NLRC5: variants seen among roughly 807,000 people sequenced by gnomAD.
NLRC5 encodes the protein NLR family CARD domain containing 5.
Under a neutral mutation model 206.9 loss-of-function variants are expected in NLRC5, and 114 were observed. The observed-to-expected ratio is 0.55, with a 90% CI of 0.47 to 0.64. The LOEUF (loss-of-function observed/expected upper bound fraction) is 0.64, where lower values mean the gene tolerates loss of function less well. Ranked by LOEUF, NLRC5 falls within the 30% of genes least tolerant of loss-of-function variation. NLRC5 has a pLI of 0.00. For missense variants in NLRC5, 2,008 were observed against 2,305.5 expected, an observed-to-expected ratio of 0.87 and a Z score of 2.64; for synonymous variants, 952 against 962.8, an observed-to-expected ratio of 0.99 and a Z score of 0.21.
intron 20 of NLRC5, 135 bp downstream of exon 20, chr16:57,043,739 A>G: frequency 1.4e-6 from 1 of 731,914 alleles, no homozygotes; most frequent in Non-Finnish European, 2.5e-6. Flanking sequence ...CCAGATCTGC[A>G]GAGCATGTGA....
intron 42 of NLRC5, 57 bp downstream of exon 42, chr16:57,077,859 C>T (rs576159747): frequency 2.5e-5 from 40 of 1,592,224 alleles, no homozygotes; most frequent in Middle Eastern, 3.3e-4. Context: ...CACCTGGCCT[C>T]CTCTCCCGCA....
intron 32 of NLRC5, among the ~76,000 whole-genome samples, chr16:57,063,745 C>CTTTT (rs746703214): frequency 6.4e-4 from 94 of 147,422 alleles, no homozygotes; most frequent in Non-Finnish European, 1.1e-3. Context: ...CCCAAAATAA[C>CTTTT]TTTTTTTTTT....
Position 57,023,786 on chromosome 16 carries a change from CCTGAAGCGCCCACATCAGAG to C in NLRC5, c.361_380del (p.Lys121TrpfsTer79). 1 of 1,611,014 alleles carries C rather than the reference CCTGAAGCGCCCACATCAGAG, an allele frequency of 6.2e-7. No homozygotes were observed. On this transcript the variant is annotated frameshift_variant and splice_region_variant, in exon 5 of 49. Coordinates refer to ENST00000688547, the MANE Select transcript of NLRC5 (RefSeq NM_001384950.1). LOFTEE classifies it high-confidence loss of function. ...CCACCCCTTCCTTTGCTTTTTCAGG[CCTGAAGCGCCCACATCAGAG>C]CTGTGGGTCCTCACCCCGCCGGAAG... is the stretch of plus-strand genomic sequence containing the variant.
chr16:57,059,359 C>T (rs1597394679), intron 29 of NLRC5, 108 bp from the exon 30 acceptor site: 3 of 1,512,472 alleles, frequency 2.0e-6, no homozygotes, highest in Middle Eastern at 2.3e-4. Flanking sequence ...CCTCCCTTGT[C>T]CTTGTGGGTG....
At chr16:57,010,188 G>T (rs1384872440) in intron 1 of NLRC5, among the ~76,000 whole-genome samples, 2 of 152,142 alleles carry the variant, frequency 1.3e-5, no homozygotes, top group Non-Finnish European at 2.9e-5. Context: ...GAGGCATCCA[G>T]GTGGAGTTGG....
rs1396202840 is a variant in NLRC5, at chr16:57,081,140, G to A, written c.5364G>A (p.Leu1788=). The part of the protein sequence containing the change: ...NLLGDEAAAE[L]AQVLPQMGRL... ...TCGGGGATGAGGCAGCTGCCGAGCTGGCCCAGGTGCTGCCGCAGATGGGCC... is the reference window on the plus strand; with the variant it reads ...TCGGGGATGAGGCAGCTGCCGAGCTAGCCCAGGTGCTGCCGCAGATGGGCC... The change falls in exon 47 of 49, where the codon CTG becomes CTA. Residue 1788 remains leucine (L), a synonymous_variant. Transcript: ENST00000688547. The A allele has an allele frequency of 2.6e-6, 4 of 1,546,342 alleles. No individual in the cohort carries two copies. The highest frequency in any genetic ancestry group is 3.5e-6 in the Non-Finnish European group (4 of 1,147,890).
In NLRC5 at chr16:57,033,640, A is replaced by G; in HGVS notation, c.2514A>G (p.Lys838=). 1 of 1,614,138 alleles carries G rather than the reference A, an allele frequency of 6.2e-7. No homozygotes were observed. The change falls in exon 12 of 49, where the codon AAA becomes AAG. Residue 838 remains lysine, a synonymous_variant. Transcript: ENST00000688547. ...PDLQESDGQR[K]GAQSRSLTLR... is the part of the protein sequence containing the mutation. ...TGCAGGAAAGTGACGGCCAGAGGAA[A>G]GGGGCTCAGAGCAGAAGCTTGACGC... is the stretch of plus-strand genomic sequence containing the variant.
At chr16:57,056,346 A>G (rs984770405) in intron 27 of NLRC5, among the ~76,000 whole-genome samples, 2 of 152,114 alleles carry the variant, frequency 1.3e-5, no homozygotes, top group South Asian at 2.1e-4. Flanking sequence ...GCTGGAGTGC[A>G]GTGGTGCAAT....
chr16:57,018,869 T>C (rs1447369590), intron 2 of NLRC5, among the ~76,000 whole-genome samples: 1 of 152,238 alleles, frequency 6.6e-6, no homozygotes, highest in Non-Finnish European at 1.5e-5. Context: ...ACCATTTAGT[T>C]GGCCAATCCC....
At position 57,077,803 on chromosome 16, in the gene NLRC5, G is replaced by A. The variant is rs771917878; in HGVS notation, c.5003+1G>A. On this transcript the variant is annotated splice_donor_variant, in intron 42 of 48. Transcript: ENST00000688547. LOFTEE classifies it high-confidence loss of function. ...TTTGCAGGCGCCTGGAGGAGTTGAT[G>A]TGAGTGTCTGCCCAGGTGGCCTCTG... 2 of 1,599,574 alleles carry A rather than the reference G, an allele frequency of 1.3e-6. No individual in the cohort carries two copies. The highest frequency in any genetic ancestry group is 1.7e-6 in the Non-Finnish European group (2 of 1,171,578).
chr16:57,018,074 G>A (rs1331824568), intron 2 of NLRC5, among the ~76,000 whole-genome samples: 3 of 152,354 alleles, frequency 2.0e-5, no homozygotes, highest in African/African-American at 7.2e-5. Context: ...TAGACTGGCT[G>A]GAGGAGAAAT....
chr16:57,022,462 C>T (rs2060783550), intron 4 of NLRC5, 147 bp downstream of exon 4: 5 of 651,794 alleles, frequency 7.7e-6, no homozygotes, highest in Non-Finnish European at 1.3e-5. Context: ...GACCCATTTG[C>T]AAGTGTGTCA....
intron 5 of NLRC5, 109 bp downstream of exon 5, chr16:57,023,962 G>A (rs779748065): frequency 2.4e-4 from 243 of 999,346 alleles, no homozygotes; most frequent in Admixed American, 2.8e-4. Context: ...GAGGCCCAGT[G>A]ACTCTTGTCT....
chr16:56,996,223 C>T (rs571044709), intron 1 of NLRC5, among the ~76,000 whole-genome samples: 20 of 152,186 alleles, frequency 1.3e-4, no homozygotes, highest in African/African-American at 4.6e-4. Flanking sequence ...GGCTGGAGTG[C>T]ACTGGTTGCA....
chr16:57,015,942 A>AT, intron 1 of NLRC5, among the ~76,000 whole-genome samples: 1 of 145,186 alleles, frequency 6.9e-6, no homozygotes, highest in African/African-American at 2.5e-5. Context: ...AAAAAAAAAA[A>AT]AAAAAAGAAA....
intron 10 of NLRC5, among the ~76,000 whole-genome samples, chr16:57,030,630 GGATGGA>G (rs2143011705): frequency 6.7e-6 from 1 of 150,318 alleles, no homozygotes; most frequent in African/African-American, 2.5e-5. Flanking sequence ...ATGGATGGAT[GGATGGA>G]TGGATGGATG....
rs368696303 is a variant in NLRC5 at position 57,027,989 on chromosome 16, C to A, written c.2076-83C>A. 4.6e-4 allele frequency: 387 copies of A among 848,792 alleles called. 3 individuals are homozygous for A. The South Asian group carries it at 6.0e-3, about 13-fold the overall frequency. The allele number at this position is 848,792 out of a possible 1,614,324, so 52.6% of individuals were successfully genotyped here. On this transcript the variant is annotated intron_variant, in intron 6 of 48. Transcript: ENST00000688547. ...TATTTGTTAGTACTACTGTATTAAG[C>A]CCCATCTCTCTGAGGGGATGGCGAT... is the stretch of plus-strand genomic sequence containing the variant.
chr16:57,008,921 C>T (rs557409155), intron 1 of NLRC5, among the ~76,000 whole-genome samples: 7 of 152,242 alleles, frequency 4.6e-5, no homozygotes, highest in Admixed American at 4.6e-4. Context: ...ATAAGAGTTA[C>T]CAACGGCTGG....
chr16:56,991,361 T>C (rs2056814799), intron 1 of NLRC5, among the ~76,000 whole-genome samples: 2 of 149,408 alleles, frequency 1.3e-5, no homozygotes, highest in Non-Finnish European at 3.0e-5. Flanking sequence ...CTTCTTTTGC[T>C]GTTGTTGTTC....
Sources: gnomAD v4.1 joint callset for allele counts (sites outside exome capture counted in the v4.1 genomes callset) on GRCh38, gnomAD v4.1.1 for gene constraint, MANE v1.5 for transcripts, NCBI Gene and HGNC (gene_info 2026-07-23, HGNC 2026-07-21) for gene names.